The following SMOC1 variants were observed in gnomAD, a reference collection of about 807,000 sequenced individuals.
The protein encoded by SMOC1 is SPARC related modular calcium binding 1, also known as SPARC-related modular calcium-binding protein 1.
In SMOC1, 22 loss-of-function variants were observed where a neutral mutation model predicts 56.3. The observed-to-expected ratio is 0.39, with a 90% CI of 0.28 to 0.56. SMOC1 has a LOEUF of 0.56. Ranked by LOEUF, SMOC1 falls within the 20% of genes least tolerant of loss-of-function variation. The pLI, the probability that SMOC1 is intolerant of heterozygous loss-of-function variation, is 0.61. For missense variants in SMOC1, 509 were observed against 565.4 expected, an observed-to-expected ratio of 0.90 and a Z score of 1.01; for synonymous variants, 193 against 215.0, an observed-to-expected ratio of 0.90 and a Z score of 0.89.
At chr14:69,980,811 T>C (rs1052253791) in intron 5 of SMOC1, among the ~76,000 whole-genome samples, 6 of 152,076 alleles carry the variant, frequency 3.9e-5, no homozygotes, top group Admixed American at 6.5e-5. Context: ...TGCAGGGTGA[T>C]GGATATGGCC....
rs531458532 is a variant in SMOC1 at position 70,013,960 on chromosome 14, C to T, written c.1046+469C>T. 2.0e-5 allele frequency among the ~76,000 whole-genome samples: 3 copies of T among 152,308 alleles called. No homozygotes were observed. The East Asian group carries it at 5.8e-4, about 29-fold the overall frequency. On this transcript the variant is annotated intron_variant, in intron 10 of 11. Coordinates refer to ENST00000361956, the MANE Select transcript of SMOC1 (RefSeq NM_001034852.3). ...GAGCTCTTGGCAATGGAACTGGACA[C>T]TCATATAGCCAAATACAGCTCAGGT...
At chr14:69,883,711 C>T (rs1218595874) in intron 1 of SMOC1, among the ~76,000 whole-genome samples, 5 of 152,062 alleles carry the variant, frequency 3.3e-5, no homozygotes, top group South Asian at 4.1e-4. Flanking sequence ...TTTACTGTTT[C>T]TCATGATGGC....
intron 1 of SMOC1, among the ~76,000 whole-genome samples, chr14:69,897,068 G>A (rs1479719687): frequency 2.6e-5 from 4 of 152,206 alleles, no homozygotes; most frequent in Non-Finnish European, 5.9e-5. Flanking sequence ...GCTAGTGACT[G>A]TTCGATATGT....
At position 69,994,021 on chromosome 14, in the gene SMOC1, T is replaced by TG. The variant is rs374848721; in HGVS notation, c.584-377dup. Among the ~76,000 whole-genome samples, 413 of 152,292 alleles carry TG rather than the reference T, an allele frequency of 2.7e-3. 1 individual carries two copies. Among genetic ancestry groups the TG allele is most frequent in the African/African-American group, 9.1e-3 (380 of 41,560 alleles). On this transcript the variant is annotated intron_variant, in intron 6 of 11. Transcript: ENST00000361956. ...GCCGTTTCCCCTAGAATGGTCTCTG[T>TG]GGTTTGTTTGGCGTTCGTTTGTTGA... is the stretch of plus-strand genomic sequence containing the variant.
chr14:69,888,618 A>C (rs1212308149), intron 1 of SMOC1, among the ~76,000 whole-genome samples: 1 of 152,196 alleles, frequency 6.6e-6, no homozygotes, highest in East Asian at 1.9e-4. Context: ...GCCTCCTTAA[A>C]ATCTATTTTA....
chr14:69,973,852 C>T (rs1026431012), intron 3 of SMOC1, among the ~76,000 whole-genome samples: 1 of 152,248 alleles, frequency 6.6e-6, no homozygotes, highest in Non-Finnish European at 1.5e-5. Context: ...TCTCCTCTCA[C>T]TGCTCCCTTC....
chr14:70,019,980 G>A (rs1885650983), intron 10 of SMOC1, among the ~76,000 whole-genome samples: 2 of 152,148 alleles, frequency 1.3e-5, no homozygotes, highest in African/African-American at 4.8e-5. Flanking sequence ...TAAATCCATT[G>A]CCTTCAATAG....
Position 70,011,586 on chromosome 14 carries a change from C to T in SMOC1, c.940+19C>T. 2 of 1,609,924 alleles carry T rather than the reference C, an allele frequency of 1.2e-6. No homozygotes were observed. Among genetic ancestry groups the T allele is most frequent in the Non-Finnish European group, 1.7e-6 (2 of 1,176,178 alleles). Reference sequence around the variant, plus strand: ...CTACCAGGTGGGAGACGATGCTGCCCTGCCGGCGCCATCACCTCCTTCTGT... The same window carrying T: ...CTACCAGGTGGGAGACGATGCTGCCTTGCCGGCGCCATCACCTCCTTCTGT... On this transcript the variant is annotated intron_variant, in intron 9 of 11. Coordinates refer to ENST00000361956, the MANE Select transcript of SMOC1 (RefSeq NM_001034852.3).
chr14:69,930,611 A>G (rs1354271969), intron 1 of SMOC1, among the ~76,000 whole-genome samples: 1 of 152,038 alleles, frequency 6.6e-6, no homozygotes, highest in East Asian at 1.9e-4. Context: ...GGTCTGAGGA[A>G]GGGCCCCTGG....
At chr14:69,989,194 C>T (rs957075912) in intron 5 of SMOC1, among the ~76,000 whole-genome samples, 4 of 152,218 alleles carry the variant, frequency 2.6e-5, no homozygotes, top group Admixed American at 2.0e-4. Context: ...TCCTTACCAA[C>T]ACTTAATATT....
intron 1 of SMOC1, among the ~76,000 whole-genome samples, chr14:69,883,598 G>C (rs930116191): frequency 6.6e-6 from 1 of 152,190 alleles, no homozygotes; most frequent in African/African-American, 2.4e-5. Context: ...TGGGAGAACA[G>C]GTATTTCTTC....
intron 3 of SMOC1, among the ~76,000 whole-genome samples, chr14:69,973,342 A>G (rs1226558251): frequency 6.6e-6 from 1 of 152,208 alleles, no homozygotes; most frequent in African/African-American, 2.4e-5. Flanking sequence ...CCTTACCTTC[A>G]GGTTTCACGT....
At chr14:69,958,306 A>G (rs954852906) in intron 3 of SMOC1, among the ~76,000 whole-genome samples, 8 of 152,200 alleles carry the variant, frequency 5.3e-5, no homozygotes, top group Admixed American at 1.3e-4. Flanking sequence ...AGCAAACAAC[A>G]CACATTAGCC....
chr14:69,946,027 T>A (rs1363217734), intron 1 of SMOC1, among the ~76,000 whole-genome samples: 2 of 152,212 alleles, frequency 1.3e-5, no homozygotes, highest in Non-Finnish European at 2.9e-5. Flanking sequence ...GAATTAAACA[T>A]CTCCTCCCAG....
chr14:69,995,083 G>A (rs530416324), intron 7 of SMOC1, among the ~76,000 whole-genome samples: 14 of 152,316 alleles, frequency 9.2e-5, no homozygotes, highest in African/African-American at 1.9e-4. Context: ...GTTCACAAGC[G>A]AAATCTGTAT....
At chr14:69,922,004 C>T (rs1005022186) in intron 1 of SMOC1, among the ~76,000 whole-genome samples, 10 of 152,320 alleles carry the variant, frequency 6.6e-5, no homozygotes, top group African/African-American at 2.2e-4. Flanking sequence ...CCTCCCTTTC[C>T]GGGATCCAGC....
chr14:69,901,453 A>C (rs934528690), intron 1 of SMOC1, among the ~76,000 whole-genome samples: 1 of 152,236 alleles, frequency 6.6e-6, no homozygotes, highest in African/African-American at 2.4e-5. Flanking sequence ...CTGATGGCAC[A>C]CATCTTCACA....
chr14:69,899,602 G>C (rs1280957609), intron 1 of SMOC1, among the ~76,000 whole-genome samples: 2 of 152,280 alleles, frequency 1.3e-5, no homozygotes, highest in East Asian at 3.9e-4. Context: ...CCAATCCCCA[G>C]GCATTTCCTT....
chr14:69,968,645 A>C (rs1883654450), intron 3 of SMOC1, among the ~76,000 whole-genome samples: 1 of 152,246 alleles, frequency 6.6e-6, no homozygotes, highest in Non-Finnish European at 1.5e-5. Flanking sequence ...AAACCCTGCT[A>C]TCCGATTTGG....
Sources: gnomAD v4.1 joint callset for allele counts (sites outside exome capture counted in the v4.1 genomes callset) on GRCh38, gnomAD v4.1.1 for gene constraint, MANE v1.5 for transcripts, NCBI Gene and HGNC (gene_info 2026-07-23, HGNC 2026-07-21) for gene names.